Variants in PDZRN3 observed in about 807,000 individuals in gnomAD.
PDZRN3 encodes PDZ domain containing ring finger 3, also known as E3 ubiquitin-protein ligase PDZRN3.
Under a neutral mutation model 85.7 loss-of-function variants are expected in PDZRN3, and 38 were observed. The observed-to-expected ratio is 0.44, with a 90% confidence interval of 0.34 to 0.58. The LOEUF is 0.58. Ranked by LOEUF, PDZRN3 falls within the 20% of genes least tolerant of loss-of-function variation. The pLI is 0.01. For synonymous variants in PDZRN3, 759 were observed against 638.0 expected (o/e 1.19, Z -2.86); for missense variants, 1,629 against 1,506.4 (o/e 1.08, Z -1.35).
chr3:73,620,435 G>C (rs1702838999), intron 1 of PDZRN3, among the ~76,000 whole-genome samples: 1 of 152,214 alleles, frequency 6.6e-6, no homozygotes, highest in Non-Finnish European at 1.5e-5. Context: ...ATGGGAAACT[G>C]AGGCTGGGAG....
intron 5 of PDZRN3, among the ~76,000 whole-genome samples, chr3:73,393,025 A>T (rs1701560056): frequency 1.3e-5 from 2 of 152,188 alleles, no homozygotes; most frequent in Admixed American, 6.5e-5. Flanking sequence ...TCATTTGAAT[A>T]TGCATAAGAG....
In PDZRN3 at chr3:73,397,942, T is replaced by C. The variant is rs527788958; in HGVS notation, c.1254+2980A>G. ...TAAGAAGAAACGAAAAGCTAATGTC[T>C]AATGGTCCTAATGGCTTGTGAGCTC... On this transcript the variant is annotated intron_variant, in intron 5 of 9. Transcript: ENST00000263666. 2.0e-5 allele frequency among the ~76,000 whole-genome samples: 3 copies of C among 152,282 alleles called. No homozygotes were observed. In the South Asian group the frequency reaches 6.2e-4, roughly 32 times the overall value.
At chr3:73,592,543 G>A (rs534114815) in intron 3 of PDZRN3, among the ~76,000 whole-genome samples, 1 of 152,088 alleles carries the variant, frequency 6.6e-6, no homozygotes, top group African/African-American at 2.4e-5. Flanking sequence ...CCACTCTCAG[G>A]AGAAAAGGGG....
intron 3 of PDZRN3, among the ~76,000 whole-genome samples, chr3:73,452,981 A>G (rs1403478786): frequency 1.3e-5 from 2 of 152,076 alleles, no homozygotes; most frequent in Non-Finnish European, 2.9e-5. Flanking sequence ...TACAGTGATA[A>G]ATGACATAGG....
At chr3:73,532,678 C>A (rs574610165) in intron 3 of PDZRN3, among the ~76,000 whole-genome samples, 5 of 152,192 alleles carry the variant, frequency 3.3e-5, no homozygotes, top group Non-Finnish European at 7.3e-5. Flanking sequence ...CCACTAAACA[C>A]CCTGAATTGC....
chr3:73,493,965 A>T (rs1426419607), intron 3 of PDZRN3, among the ~76,000 whole-genome samples: 1 of 152,242 alleles, frequency 6.6e-6, no homozygotes, highest in Non-Finnish European at 1.5e-5. Flanking sequence ...AGCTAAGTAA[A>T]TTGAAAGAGA....
At chr3:73,470,707 T>C (rs1284479528) in intron 3 of PDZRN3, among the ~76,000 whole-genome samples, 1 of 152,142 alleles carries the variant, frequency 6.6e-6, no homozygotes, top group Non-Finnish European at 1.5e-5. Context: ...TGGAGTGAAA[T>C]CTGTCACCTA....
At chr3:73,525,258 CAT>C (rs1169576442) in intron 3 of PDZRN3, among the ~76,000 whole-genome samples, 5 of 152,012 alleles carry the variant, frequency 3.3e-5, no homozygotes, top group Non-Finnish European at 7.4e-5. Context: ...CTTCCTTGCT[CAT>C]AGTTATAATT....
intron 3 of PDZRN3, among the ~76,000 whole-genome samples, chr3:73,595,408 G>A (rs1389788257): frequency 6.6e-6 from 1 of 152,188 alleles, no homozygotes; most frequent in African/African-American, 2.4e-5. Flanking sequence ...CTGTGAAGGA[G>A]AGGAGTATAG....
intron 3 of PDZRN3, among the ~76,000 whole-genome samples, chr3:73,500,725 T>C (rs1703961023): frequency 6.6e-6 from 1 of 152,162 alleles, no homozygotes; most frequent in Non-Finnish European, 1.5e-5. Context: ...GGTCACCCCT[T>C]TAAACCACCT....
chr3:73,491,035 C>T (rs1414337862), intron 3 of PDZRN3, among the ~76,000 whole-genome samples: 1 of 152,224 alleles, frequency 6.6e-6, no homozygotes, highest in South Asian at 2.1e-4. Context: ...CAGCTCGCTC[C>T]AGGAAAGCTC....
chr3:73,544,081 T>C (rs927646350), intron 3 of PDZRN3, among the ~76,000 whole-genome samples: 6 of 152,112 alleles, frequency 3.9e-5, no homozygotes, highest in African/African-American at 1.4e-4. Flanking sequence ...GGCGTGGTGG[T>C]GGGCACCTGT....
At chr3:73,597,004 T>G (rs1378809504) in intron 3 of PDZRN3, among the ~76,000 whole-genome samples, 2 of 152,194 alleles carry the variant, frequency 1.3e-5, no homozygotes, top group Admixed American at 1.3e-4. Context: ...ATGTAGTAGA[T>G]GTTAATATTT....
intron 3 of PDZRN3, among the ~76,000 whole-genome samples, chr3:73,424,888 G>C (rs146382738): frequency 2.6e-5 from 4 of 152,174 alleles, no homozygotes; most frequent in Non-Finnish European, 5.9e-5. Flanking sequence ...CCAAGTGTTG[G>C]CAGGGATGTG....
chr3:73,411,025 TCTC>T (rs1701956633), intron 3 of PDZRN3, among the ~76,000 whole-genome samples: 1 of 152,236 alleles, frequency 6.6e-6, no homozygotes, highest in South Asian at 2.1e-4. Flanking sequence ...ATCTTCTACA[TCTC>T]CTAAGTTCTT....
chr3:73,466,693 G>T (rs1194864342), intron 3 of PDZRN3, among the ~76,000 whole-genome samples: 1 of 152,170 alleles, frequency 6.6e-6, no homozygotes, highest in African/African-American at 2.4e-5. Context: ...TGAATTTGTA[G>T]AAAGGGTCAA....
rs1268760434 is a variant in PDZRN3 at position 73,462,558 on chromosome 3, A to AAG, written c.919-58164_919-58163insCT. Among the ~76,000 whole-genome samples the AAG allele has an allele frequency of 9.2e-5, 14 of 151,476 alleles. No homozygotes were observed. The South Asian group carries it at 2.7e-3, about 30-fold the overall frequency. ...ACTCCGTCTCAAAAAAAAAAAAAAA[A>AAG]AAAAGAACTTGATTCCATTTGGGTC... On this transcript the variant is annotated intron_variant, in intron 3 of 9. Transcript: ENST00000263666.
At position 73,382,976 on chromosome 3, in the gene PDZRN3, T is replaced by A. The variant is rs566076936; in HGVS notation, c.*389A>T. ...TTCCATTAAAAATACATACTGGCAGTTGTATTTGTGTTTTAGGCAGGAAAA... is the reference window on the plus strand; with the variant it reads ...TTCCATTAAAAATACATACTGGCAGATGTATTTGTGTTTTAGGCAGGAAAA... On this transcript the variant is annotated 3_prime_UTR_variant, in exon 10 of 10. Coordinates refer to ENST00000263666, the MANE Select transcript of PDZRN3 (RefSeq NM_015009.3). 3 of 166,418 alleles carry A rather than the reference T, an allele frequency of 1.8e-5. No individual in the cohort carries two copies. Among genetic ancestry groups the A allele is most frequent in the Non-Finnish European group, 3.9e-5 (3 of 76,460 alleles). 10.3% of individuals were successfully genotyped at this position (166,418 alleles called of 1,614,324 possible). A position where few individuals can be genotyped will look rare whatever the true frequency, so the allele number is the denominator to read the frequency against.
chr3:73,414,084 A>G (rs1702028646), intron 3 of PDZRN3, among the ~76,000 whole-genome samples: 1 of 144,002 alleles, frequency 6.9e-6, no homozygotes, highest in Non-Finnish European at 1.5e-5. Flanking sequence ...GAATGGCATA[A>G]AAAAATAGTA....
Sources: gnomAD v4.1 joint callset for allele counts (sites outside exome capture counted in the v4.1 genomes callset) on GRCh38, gnomAD v4.1.1 for gene constraint, MANE v1.5 for transcripts, NCBI Gene and HGNC (gene_info 2026-07-23, HGNC 2026-07-21) for gene names.